MX1: variants seen among roughly 807,000 people sequenced by gnomAD.
MX1 encodes the protein interferon-induced GTP-binding protein Mx1.
MX1 carries 66 observed loss-of-function variants against 66.4 expected under a neutral mutation model. The observed-to-expected ratio is 0.99, with a 90% CI of 0.82 to 1.22. MX1 has a LOEUF of 1.22. Among genes scored for constraint, MX1 ranks in the 50% most tolerant of loss-of-function variants. The pLI is 0.00. For missense variants in MX1, 787 were observed against 834.3 expected (o/e 0.94, Z 0.70); for synonymous variants, 311 against 318.1 (o/e 0.98, Z 0.24).
chr21:41,436,902 G>C lies in MX1; in HGVS notation c.299-113G>C, dbSNP rs2090378562. The C allele has an allele frequency of 9.5e-6, 13 of 1,362,282 alleles. No homozygotes were observed. The South Asian group carries it at 1.7e-4, about 18-fold the overall frequency. 84.4% of individuals were successfully genotyped at this position (1,362,282 alleles called of 1,614,324 possible). On this transcript the variant is annotated intron_variant, in intron 6 of 16. Coordinates refer to ENST00000398598, the MANE Select transcript of MX1 (RefSeq NM_002462.5). ...AGAGGGTAAGACCAGAAAGTTTCCA[G>C]TTTTAAATGTCTCCCCATATGATTG...
intron 6 of MX1, 145 bp downstream of exon 6, chr21:41,436,174 T>G: frequency 1.0e-6 from 1 of 976,492 alleles, no homozygotes; most frequent in Non-Finnish European, 1.5e-6. Context: ...CCTGAGGCCT[T>G]TCTCCATGGC....
Position 41,452,852 on chromosome 21 carries a change from C to T in MX1, c.1741C>T (p.Leu581=). The change falls in exon 16 of 17, where the codon CTG becomes TTG. Residue 581 remains leucine (L), a synonymous_variant. Transcript: ENST00000398598. ...DSSMEEIFQH[L]MAYHQEASKR... Reference sequence around the variant, plus strand: ...TTCCATGGAGGAGATCTTTCAGCACCTGATGGCCTATCACCAGGTACGTCT... The same window carrying T: ...TTCCATGGAGGAGATCTTTCAGCACTTGATGGCCTATCACCAGGTACGTCT... 1 of 1,614,152 alleles carries T rather than the reference C, an allele frequency of 6.2e-7. No individual in the cohort carries two copies. The highest frequency in any genetic ancestry group is 1.1e-5 in the South Asian group (1 of 91,080).
Position 41,452,760 on chromosome 21 carries a change from TG to T in MX1, c.1651del (p.Glu551LysfsTer31). 2 of 1,614,152 alleles carry T rather than the reference TG, an allele frequency of 1.2e-6. No homozygotes were observed. The highest frequency in any genetic ancestry group is 1.7e-6 in the Non-Finnish European group (2 of 1,180,034). ...TTGCAGAAGGTCAGAGAGAAGGAGC[TG>T]GAAGAAGAAAAGAAGAAGAAATCCT... is the stretch of plus-strand genomic sequence containing the variant. ...GALQKVREKE[L>X]EEEKKKKSWD... On this transcript the variant is annotated frameshift_variant, in exon 16 of 17. Coordinates refer to ENST00000398598, the MANE Select transcript of MX1 (RefSeq NM_002462.5). LOFTEE classifies it high-confidence loss of function.
chr21:41,428,673 C>A (rs1052982704), intron 3 of MX1: 1 of 152,230 alleles, frequency 6.6e-6, no homozygotes, highest in Non-Finnish European at 1.5e-5. Context: ...TGGCATTGGG[C>A]CACAGCAAGT....
chr21:41,446,864 G>A (rs984205436), intron 13 of MX1, among the ~76,000 whole-genome samples: 3 of 152,168 alleles, frequency 2.0e-5, no homozygotes, highest in Non-Finnish European at 4.4e-5. Flanking sequence ...AGTCAATACC[G>A]TGGTAAACCT....
chr21:41,430,596 A>G lies in MX1; in HGVS notation c.-34A>G, dbSNP rs2090185514. 6.6e-6 allele frequency: 1 copy of G among 152,090 alleles called. No individual in the cohort carries two copies. Among genetic ancestry groups the G allele is most frequent in the Admixed American group, 6.5e-5 (1 of 15,276 alleles). The allele number at this position is 152,090 out of a possible 1,614,324, so 9.4% of individuals were successfully genotyped here. ...GTTGACATTACTTTTATTTGAAGGA[A>G]CGTATATTAGAGGTAAGTTGGTGCA... On this transcript the variant is annotated 5_prime_UTR_variant, in exon 4 of 17. Transcript: ENST00000398598.
intron 1 of MX1, chr21:41,426,814 G>A (rs892685290): frequency 3.3e-5 from 5 of 150,384 alleles, no homozygotes; most frequent in African/African-American, 4.9e-5. Flanking sequence ...GCCGAGATGG[G>A]GCATGCGCGG....
rs374506421 is a variant in MX1 at position 41,435,878 on chromosome 21, G to A, written c.147G>A (p.Val49=). 5 of 1,613,716 alleles carry A rather than the reference G, an allele frequency of 3.1e-6. No homozygotes were observed. The highest frequency in any genetic ancestry group is 1.1e-5 in the South Asian group (1 of 91,074). ...TGTGCAGCCAGTATGAGGAGAAGGT[G>A]CGCCCCTGCATCGACCTCATTGACT... is the stretch of plus-strand genomic sequence containing the variant. The part of the protein sequence containing the change: ...NNLCSQYEEK[V]RPCIDLIDSL... The change falls in exon 6 of 17, where the codon GTG becomes GTA. Residue 49 remains valine (V), a synonymous_variant. Coordinates refer to ENST00000398598, the MANE Select transcript of MX1 (RefSeq NM_002462.5).
Position 41,452,505 on chromosome 21 carries a change from A to G in MX1, c.1510-116A>G, listed in dbSNP as rs1601537182. The G allele has an allele frequency of 1.0e-5, 12 of 1,193,306 alleles. No homozygotes were observed. The East Asian group carries it at 2.9e-4, about 28-fold the overall frequency. The allele number at this position is 1,193,306 out of a possible 1,614,324, so 73.9% of individuals were successfully genotyped here. A position where few individuals can be genotyped will look rare whatever the true frequency, so the allele number is the denominator to read the frequency against. On this transcript the variant is annotated intron_variant, in intron 15 of 16. Transcript: ENST00000398598. ...GCGGCCCAGAGGGCTGTTCCAGGAAACGTGCTGTTTCACTCACGTTGGGTA... is the reference window on the plus strand; with the variant it reads ...GCGGCCCAGAGGGCTGTTCCAGGAAGCGTGCTGTTTCACTCACGTTGGGTA...
chr21:41,448,361 A>G (rs1055633488), intron 13 of MX1, among the ~76,000 whole-genome samples: 1 of 152,244 alleles, frequency 6.6e-6, no homozygotes, highest in South Asian at 2.1e-4. Flanking sequence ...TACTTTCGAC[A>G]CATGAATATG....
chr21:41,421,620 G>A (rs185513977), upstream of MX1, among the ~76,000 whole-genome samples: 1 of 152,280 alleles, frequency 6.6e-6, no homozygotes, highest in East Asian at 1.9e-4. Flanking sequence ...TCAAGCATCT[G>A]TTTAACAAAG....
rs1461398893 is a variant in MX1, at chr21:41,440,908, T to A, written c.613T>A (p.Tyr205Asn). Reference sequence around the variant, plus strand: ...ACAGATCAAGACACTCATCAAGAAGTACATCCAGAGGCAGGAGACAATCAG... The same window carrying A: ...ACAGATCAAGACACTCATCAAGAAGAACATCCAGAGGCAGGAGACAATCAG... ...GYKIKTLIKK[Y>N]IQRQETISLV... Residue 205 changes from tyrosine to asparagine, a missense_variant, in exon 9 of 17, where the codon TAC (tyrosine) becomes AAC (asparagine). Physicochemically the swap from Tyr to Asn is moderately radical, Grantham distance 143. Coordinates refer to ENST00000398598, the MANE Select transcript of MX1 (RefSeq NM_002462.5). 1 of 1,614,036 alleles carries A rather than the reference T, an allele frequency of 6.2e-7. No individual in the cohort carries two copies. The highest frequency in any genetic ancestry group is 8.5e-7 in the Non-Finnish European group (1 of 1,180,020).
intron 10 of MX1, chr21:41,443,493 A>G (rs2090574456): frequency 7.1e-6 from 3 of 423,958 alleles, no homozygotes; most frequent in Non-Finnish European, 1.3e-5. Context: ...AAACATATCT[A>G]TACATGTCTG....
Position 41,443,775 on chromosome 21 carries a change from T to C in MX1, c.930-13T>C. The C allele has an allele frequency of 6.2e-7, 1 of 1,614,064 alleles. No homozygotes were observed. Among genetic ancestry groups the C allele is most frequent in the Non-Finnish European group, 8.5e-7 (1 of 1,179,892 alleles). ...TACATCAAGGTGGAAATCGGTCCTGTGTTCTCTTCTAGGGATCTGCTGGAG... is the reference window on the plus strand; with the variant it reads ...TACATCAAGGTGGAAATCGGTCCTGCGTTCTCTTCTAGGGATCTGCTGGAG... On this transcript the variant is annotated splice_polypyrimidine_tract_variant and intron_variant, in intron 10 of 16. Coordinates refer to ENST00000398598, the MANE Select transcript of MX1 (RefSeq NM_002462.5).
At chr21:41,425,603 A>G (rs2090044081), upstream of MX1, among the ~76,000 whole-genome samples, 1 of 152,282 alleles carries the variant, frequency 6.6e-6, no homozygotes, top group Admixed American at 6.5e-5. Context: ...TATGTTTATT[A>G]TTTTAAGCTT....
At position 41,438,057 on chromosome 21, in the gene MX1, C is replaced by T. The variant is rs118088789; in HGVS notation, c.436+905C>T. On this transcript the variant is annotated intron_variant, in intron 7 of 16. Transcript: ENST00000398598. Reference sequence around the variant, plus strand: ...AGATGCATGGATAACATCTTCCTATCGACCTTCATGTTTTTCTGGCATGTC... The same window carrying T: ...AGATGCATGGATAACATCTTCCTATTGACCTTCATGTTTTTCTGGCATGTC... Among the ~76,000 whole-genome samples the T allele has an allele frequency of 4.4e-3, 663 of 152,316 alleles. 6 individuals are homozygous for T. The highest frequency in any genetic ancestry group is 5.7e-3 in the Admixed American group (87 of 15,304).
rs2090656607 is a variant in MX1, at chr21:41,446,097, A to G, written c.1229A>G (p.Glu410Gly). The stretch of plus-strand genomic sequence containing the variant: ...CGGCTGTTTACCAGACTCCGACACG[A>G]GTTCCACAAATGGAGTACAATAATT... ...DIRLFTRLRH[E>G]FHKWSTIIEN... Residue 410 changes from glutamate (E) to glycine (G), a missense_variant, in exon 13 of 17, where the codon GAG becomes GGG. Physicochemically the swap from Glu to Gly is moderately conservative, Grantham distance 98. Coordinates refer to ENST00000398598, the MANE Select transcript of MX1 (RefSeq NM_002462.5). 1 of 1,614,218 alleles carries G rather than the reference A, an allele frequency of 6.2e-7. No individual in the cohort carries two copies. The highest frequency in any genetic ancestry group is 8.5e-7 in the Non-Finnish European group (1 of 1,180,026).
rs923767232 is a variant in MX1, at chr21:41,441,475, G to A, written c.731-241G>A. On this transcript the variant is annotated intron_variant, in intron 9 of 16. Transcript: ENST00000398598. The surrounding 1 kb of genome is among the most constrained non-coding windows in gnomAD (Gnocchi z 4.0). ...CGTGGCGTGTTCTACAGTGGACCCG[G>A]GTGAAGGAGCTTGGGGAGAGCCACA... is the stretch of plus-strand genomic sequence containing the variant. 8.8e-6 allele frequency: 5 copies of A among 570,624 alleles called. No homozygotes were observed. Among genetic ancestry groups the A allele is most frequent in the African/African-American group, 1.9e-5 (1 of 53,334 alleles). The allele number at this position is 570,624 out of a possible 1,614,324, so 35.3% of individuals were successfully genotyped here.
rs761335613 is a variant in MX1 at position 41,443,879 on chromosome 21, A to G, written c.1008+13A>G. Reference sequence around the variant, plus strand: ...CACACATATCTGTGTAAGCACGGGCAGAGCTGTGGGTTCTCTAAAAAGAAT... The same window carrying G: ...CACACATATCTGTGTAAGCACGGGCGGAGCTGTGGGTTCTCTAAAAAGAAT... On this transcript the variant is annotated intron_variant, in intron 11 of 16. Transcript: ENST00000398598. 2.5e-6 allele frequency: 4 copies of G among 1,613,778 alleles called. No homozygotes were observed. Among genetic ancestry groups the G allele is most frequent in the Non-Finnish European group, 3.4e-6 (4 of 1,179,634 alleles).
Sources: allele counts gnomAD v4.1 joint callset (sites outside exome capture counted in the v4.1 genomes callset), GRCh38; gene constraint gnomAD v4.1.1; non-coding constraint Gnocchi (gnomAD v3.1); transcripts MANE v1.5; gene names NCBI Gene and HGNC (gene_info 2026-07-23, HGNC 2026-07-21).